Variants in FGGY observed in about 807,000 individuals in gnomAD.
The protein encoded by FGGY is FGGY carbohydrate kinase domain containing.
In FGGY, 72 loss-of-function variants were observed where a neutral mutation model predicts 71.3. That is an observed-to-expected ratio of 1.01 (90% CI 0.84 to 1.23). The LOEUF (loss-of-function observed/expected upper bound fraction) is 1.23. Among genes scored for constraint, FGGY ranks in the 50% most tolerant of loss-of-function variants. The pLI, the probability that FGGY is intolerant of heterozygous loss-of-function variation, is 0.00. For synonymous variants in FGGY, 251 were observed against 250.3 expected, an observed-to-expected ratio of 1.00 and a Z score of -0.02; for missense variants, 668 against 682.3, an observed-to-expected ratio of 0.98 and a Z score of 0.23.
intron 6 of FGGY, among the ~76,000 whole-genome samples, chr1:59,490,424 G>T (rs1227356916): frequency 3.9e-5 from 6 of 152,046 alleles, no homozygotes; most frequent in Non-Finnish European, 8.8e-5. Context: ...TTAATGTCTT[G>T]ACCAATGAAT....
intron 7 of FGGY, among the ~76,000 whole-genome samples, chr1:59,552,101 G>A (rs2095616959): frequency 6.6e-6 from 1 of 152,222 alleles, no homozygotes; most frequent in East Asian, 1.9e-4. Flanking sequence ...TAAGGAGGGA[G>A]GAGGGAGGTG....
At chr1:59,648,158 T>C (rs1003949587) in intron 11 of FGGY, among the ~76,000 whole-genome samples, 1 of 117,304 alleles carries the variant, frequency 8.5e-6, no homozygotes, top group Non-Finnish European at 1.7e-5. Context: ...TTGTTGGACA[T>C]TTGGGTTGGT....
chr1:59,630,591 A>G (rs2096899531), intron 10 of FGGY, among the ~76,000 whole-genome samples: 2 of 152,234 alleles, frequency 1.3e-5, no homozygotes, highest in Non-Finnish European at 2.9e-5. Context: ...CTGTATATGA[A>G]CATTTTAGTG....
At chr1:59,681,644 G>T (rs576620580) in intron 14 of FGGY, among the ~76,000 whole-genome samples, 4 of 151,950 alleles carry the variant, frequency 2.6e-5, no homozygotes, top group East Asian at 3.9e-4. Context: ...CTAGAAATAG[G>T]TTTTTTTTCT....
intron 13 of FGGY, among the ~76,000 whole-genome samples, chr1:59,668,608 T>A (rs2153972250): frequency 6.6e-6 from 1 of 152,268 alleles, no homozygotes; most frequent in East Asian, 1.9e-4. Context: ...TCTTTGCACA[T>A]CATGAGATGA....
chr1:59,379,480 C>T (rs748593409), intron 5 of FGGY, among the ~76,000 whole-genome samples: 4 of 152,032 alleles, frequency 2.6e-5, no homozygotes, highest in African/African-American at 9.7e-5. Flanking sequence ...GTAGTATACT[C>T]ATATAGGGCA....
chr1:59,492,611 C>A (rs1393613464), intron 6 of FGGY, among the ~76,000 whole-genome samples: 1 of 151,948 alleles, frequency 6.6e-6, no homozygotes, highest in Non-Finnish European at 1.5e-5. Flanking sequence ...TTCACTAAAT[C>A]CTCCTTTTTC....
At chr1:59,425,611 T>C (rs933081082) in intron 5 of FGGY, among the ~76,000 whole-genome samples, 1 of 152,220 alleles carries the variant, frequency 6.6e-6, no homozygotes, top group African/African-American at 2.4e-5. Context: ...TGTGTTCCTA[T>C]AGACATTGGA....
intron 3 of FGGY, among the ~76,000 whole-genome samples, chr1:59,345,193 T>C (rs1396247519): frequency 6.6e-6 from 1 of 152,230 alleles, no homozygotes; most frequent in Non-Finnish European, 1.5e-5. Flanking sequence ...AAACATTTAC[T>C]ATTAGCAAGA....
chr1:59,346,196 T>A, intron 3 of FGGY, 51 bp from the exon 4 acceptor site: 1 of 1,602,258 alleles, frequency 6.2e-7, no homozygotes. Context: ...TCCCTTGAAT[T>A]AGAAGGAAGA....
chr1:59,560,380 T>C (rs2095767163), intron 8 of FGGY, among the ~76,000 whole-genome samples: 1 of 145,798 alleles, frequency 6.9e-6, no homozygotes, highest in Non-Finnish European at 1.5e-5. Flanking sequence ...GTATCCTGGA[T>C]GGGATCCTGG....
chr1:59,556,601 A>G (rs2095690216), intron 8 of FGGY, among the ~76,000 whole-genome samples: 1 of 152,218 alleles, frequency 6.6e-6, no homozygotes, highest in Admixed American at 6.5e-5. Context: ...CATTGTCCAG[A>G]GGCAAGCTTG....
intron 2 of FGGY, among the ~76,000 whole-genome samples, chr1:59,329,767 G>A (rs932849584): frequency 1.3e-5 from 2 of 152,106 alleles, no homozygotes; most frequent in South Asian, 2.1e-4. Flanking sequence ...CAATCCAATA[G>A]TTGCTGAACC....
intron 5 of FGGY, among the ~76,000 whole-genome samples, chr1:59,384,299 C>T (rs917435717): frequency 6.6e-6 from 1 of 152,148 alleles, no homozygotes; most frequent in Non-Finnish European, 1.5e-5. Context: ...AGAGCAAAGC[C>T]TGTGGACCTT....
chr1:59,412,877 G>C (rs1458935430), intron 5 of FGGY, among the ~76,000 whole-genome samples: 1 of 152,174 alleles, frequency 6.6e-6, no homozygotes, highest in Non-Finnish European at 1.5e-5. Flanking sequence ...ACACTCTGAG[G>C]AAATGACATT....
chr1:59,418,046 T>C (rs998232359), intron 5 of FGGY, among the ~76,000 whole-genome samples: 1 of 152,168 alleles, frequency 6.6e-6, no homozygotes, highest in African/African-American at 2.4e-5. Flanking sequence ...CTTCTCTAAA[T>C]AAAATTGAGG....
At chr1:59,454,553 A>G (rs1490809107) in intron 5 of FGGY, among the ~76,000 whole-genome samples, 2 of 152,188 alleles carry the variant, frequency 1.3e-5, no homozygotes, top group African/African-American at 4.8e-5. Context: ...AAAAATCATT[A>G]ATGATAAGTG....
chr1:59,306,341 G>A lies in FGGY; in HGVS notation c.-15+9191G>A, dbSNP rs887014837. 2.0e-5 allele frequency among the ~76,000 whole-genome samples: 3 copies of A among 152,266 alleles called. No homozygotes were observed. In the East Asian group the frequency reaches 5.8e-4, roughly 29 times the overall value. ...AGGTGCTAAGAGCATGGTGAAGGAA[G>A]TATATCAGAGGGAAAAACATAAGCT... On this transcript the variant is annotated intron_variant, in intron 1 of 15. Transcript: ENST00000303721.
Position 59,301,335 on chromosome 1 carries a change from A to G in FGGY, c.-15+4185A>G, listed in dbSNP as rs74085533. Among the ~76,000 whole-genome samples the G allele has an allele frequency of 2.7e-3, 415 of 152,246 alleles. 1 individual carries two copies. Among genetic ancestry groups the G allele is most frequent in the African/African-American group, 9.7e-3 (402 of 41,554 alleles). ...CTGAAATCTTGCTCATGTGCTTATT[A>G]TTTCTAAGAGCATTTTTGTAGATGC... is the stretch of plus-strand genomic sequence containing the variant. On this transcript the variant is annotated intron_variant, in intron 1 of 15. Coordinates refer to ENST00000303721, the MANE Select transcript of FGGY (RefSeq NM_018291.5).
Sources: gnomAD v4.1 joint callset for allele counts (sites outside exome capture counted in the v4.1 genomes callset) on GRCh38, gnomAD v4.1.1 for gene constraint, MANE v1.5 for transcripts, NCBI Gene and HGNC (gene_info 2026-07-23, HGNC 2026-07-21) for gene names.